ZNF311: variants seen among roughly 807,000 people sequenced by gnomAD.
ZNF311 encodes the protein zinc finger protein 311.
ZNF311 carries 14 observed loss-of-function variants against 22.7 expected under a neutral mutation model. That is an observed-to-expected ratio of 0.62 (90% CI 0.41 to 0.96). ZNF311 has a LOEUF of 0.96. Ranked by LOEUF, ZNF311 falls within the 40% of genes least tolerant of loss-of-function variation. ZNF311 has a pLI of 0.00. For synonymous variants in ZNF311, 250 were observed against 275.3 expected, an observed-to-expected ratio of 0.91 and a Z score of 0.91; for missense variants, 731 against 799.0, an observed-to-expected ratio of 0.91 and a Z score of 1.03.
At chr6:29,002,901 A>G (rs749513722) in intron 3 of ZNF311, among the ~76,000 whole-genome samples, 1 of 152,154 alleles carries the variant, frequency 6.6e-6, no homozygotes, top group African/African-American at 2.4e-5. Context: ...GATTACAGGC[A>G]TAAGTCACCG....
chr6:28,999,820 C>T, intron 4 of ZNF311, 136 bp downstream of exon 4: 1 of 1,248,888 alleles, frequency 8.0e-7, no homozygotes. Context: ...AGTGGTTTAT[C>T]ATGCAACAAA....
rs771052912 is a variant in ZNF311, at chr6:28,996,390, T to G, written c.612A>C (p.Arg204Ser). The G allele has an allele frequency of 6.2e-7, 1 of 1,611,308 alleles. No homozygotes were observed. Among genetic ancestry groups the G allele is most frequent in the Middle Eastern group, 1.6e-4 (1 of 6,062 alleles). ...CTTCCTCAGAGCCTTCTTTCTCTTCTCTCAGTTTCTCCCTTATAGATGTTT... is the reference window on the plus strand; with the variant it reads ...CTTCCTCAGAGCCTTCTTTCTCTTCGCTCAGTTTCTCCCTTATAGATGTTT... ...QWETSIREKL[R>S]EEKEGSEEVT... The change falls in exon 7 of 7, where the codon AGA becomes AGC. Residue 204 changes from arginine (R) to serine (S), a missense_variant. Coordinates refer to ENST00000377179, the MANE Select transcript of ZNF311 (RefSeq NM_001382360.1).
intron 3 of ZNF311, 89 bp from the exon 4 acceptor site, chr6:29,000,136 C>A (rs1780241380): frequency 4.0e-6 from 5 of 1,247,164 alleles, no homozygotes; most frequent in Non-Finnish European, 5.7e-6. Flanking sequence ...AATGTAGAAG[C>A]TTCTGCAGCT....
In ZNF311 at chr6:28,999,989, C is replaced by A. The variant is rs747829459; in HGVS notation, c.150G>T (p.Pro50=). 1 of 1,613,614 alleles carries A rather than the reference C, an allele frequency of 6.2e-7. No individual in the cohort carries two copies. The highest frequency in any genetic ancestry group is 8.5e-7 in the Non-Finnish European group (1 of 1,179,898). Reference sequence around the variant, plus strand: ...GGCTCATTAGTGTGATATCTGCTTGCGGCAGGTTTCCTTGGCTTCCATCTT... The same window carrying A: ...GGCTCATTAGTGTGATATCTGCTTGAGGCAGGTTTCCTTGGCTTCCATCTT... ...FTKDGSQGNL[P]QADITLMSQA... Residue 50 remains proline (P), a synonymous_variant, in exon 4 of 7, where the codon CCG becomes CCT. Transcript: ENST00000377179.
At position 28,995,308 on chromosome 6, in the gene ZNF311, T is replaced by C; in HGVS notation, c.1694A>G (p.His565Arg). The C allele has an allele frequency of 6.2e-7, 1 of 1,613,992 alleles. No homozygotes were observed. Among genetic ancestry groups the C allele is most frequent in the East Asian group, 2.2e-5 (1 of 44,880 alleles). The change falls in exon 7 of 7, where the codon CAT (histidine) becomes CGT (arginine). Residue 565 changes from histidine to arginine, a missense_variant. His to Arg is a conservative substitution (Grantham distance 29). Transcript: ENST00000377179. The surrounding 1 kb of genome is among the most constrained non-coding windows in gnomAD (Gnocchi z 4.7). The part of the protein sequence containing the change: ...HKCEVCGMAF[H>R]HSSVLRQHKR... ...GTGCTGCCTCAGGACTGAACTATGA[T>C]GGAAGGCCATTCCACATACCTCACA...
At chr6:29,001,027 C>G (rs527496601) in intron 3 of ZNF311, among the ~76,000 whole-genome samples, 53 of 152,272 alleles carry the variant, frequency 3.5e-4, no homozygotes, top group Middle Eastern at 3.4e-3. Flanking sequence ...CCACCCGCCT[C>G]GGCCTCCCAA....
Position 28,999,987 on chromosome 6 carries a change from T to TGCG in ZNF311, c.149_151dup (p.Pro50dup). ...CTGGCTCATTAGTGTGATATCTGCT[T>TGCG]GCGGCAGGTTTCCTTGGCTTCCATC... On this transcript the variant is annotated inframe_insertion, in exon 4 of 7. Coordinates refer to ENST00000377179, the MANE Select transcript of ZNF311 (RefSeq NM_001382360.1). 1 of 1,613,738 alleles carries TGCG rather than the reference T, an allele frequency of 6.2e-7. No homozygotes were observed. The highest frequency in any genetic ancestry group is 8.5e-7 in the Non-Finnish European group (1 of 1,179,924).
At chr6:28,997,431 G>T (rs534114839) in intron 6 of ZNF311, among the ~76,000 whole-genome samples, 7 of 152,208 alleles carry the variant, frequency 4.6e-5, no homozygotes, top group Admixed American at 2.0e-4. Context: ...GCTAGCTTGG[G>T]TTAATTTCTA....
At chr6:29,000,890 C>T (rs1405632396) in intron 3 of ZNF311, among the ~76,000 whole-genome samples, 1 of 151,986 alleles carries the variant, frequency 6.6e-6, no homozygotes, top group African/African-American at 2.4e-5. Context: ...CATTCTCCTG[C>T]CTCAGCCTCC....
At position 28,996,197 on chromosome 6, in the gene ZNF311, G is replaced by A; in HGVS notation, c.805C>T (p.His269Tyr). 2 of 1,613,524 alleles carry A rather than the reference G, an allele frequency of 1.2e-6. No homozygotes were observed. Residue 269 changes from histidine (H) to tyrosine (Y), a missense_variant, in exon 7 of 7, where the codon CAT becomes TAT. Coordinates refer to ENST00000377179, the MANE Select transcript of ZNF311 (RefSeq NM_001382360.1). Reference protein sequence around the residue: ...HSDLILHEQIHSGEKPHVCNE... With the variant: ...HSDLILHEQIYSGEKPHVCNE... ...CACACATGGGGTTTCTCACCAGAATGAATTTGCTCATGGAGAATTAGATCT... is the reference window on the plus strand; with the variant it reads ...CACACATGGGGTTTCTCACCAGAATAAATTTGCTCATGGAGAATTAGATCT...
At chr6:29,002,591 C>G (rs1218339652) in intron 3 of ZNF311, among the ~76,000 whole-genome samples, 1 of 151,198 alleles carries the variant, frequency 6.6e-6, no homozygotes, top group Non-Finnish European at 1.5e-5. Context: ...TTGCTATATA[C>G]TATCTCCTAG....
In ZNF311 at chr6:28,994,918, A is replaced by C; in HGVS notation, c.*83T>G. The C allele has an allele frequency of 7.1e-7, 1 of 1,409,008 alleles. No homozygotes were observed. Among genetic ancestry groups the C allele is most frequent in the Middle Eastern group, 2.5e-4 (1 of 3,966 alleles). 87.3% of individuals were successfully genotyped at this position (1,409,008 alleles called of 1,614,324 possible). ...GGGAATCTCACAATTAAGGGTCAGG[A>C]AATCAGGAATAACTAATATAAGAGA... On this transcript the variant is annotated 3_prime_UTR_variant, in exon 7 of 7. Transcript: ENST00000377179.
chr6:28,995,317 A>G lies in ZNF311; in HGVS notation c.1685T>C (p.Met562Thr). The G allele has an allele frequency of 6.2e-7, 1 of 1,613,918 alleles. No individual in the cohort carries two copies. Among genetic ancestry groups the G allele is most frequent in the East Asian group, 2.2e-5 (1 of 44,862 alleles). ...EKPHKCEVCG[M>T]AFHHSSVLRQ... ...CAGGACTGAACTATGATGGAAGGCC[A>G]TTCCACATACCTCACATTTGTGAGG... Residue 562 changes from methionine to threonine, a missense_variant, in exon 7 of 7, where the codon ATG becomes ACG. Physicochemically the swap from Met to Thr is moderately conservative, Grantham distance 81. Transcript: ENST00000377179. The surrounding 1 kb of genome is among the most constrained non-coding windows in gnomAD (Gnocchi z 4.7).
chr6:28,999,822 T>C, intron 4 of ZNF311, 134 bp downstream of exon 4: 3 of 1,248,654 alleles, frequency 2.4e-6, no homozygotes. Flanking sequence ...TGGTTTATCA[T>C]GCAACAAAAT....
At chr6:29,004,390 T>C (rs1780886018) in intron 1 of ZNF311, among the ~76,000 whole-genome samples, 176 bp from the exon 2 acceptor site, 1 of 151,948 alleles carries the variant, frequency 6.6e-6, no homozygotes, top group Non-Finnish European at 1.5e-5. Context: ...TTTCCATTAC[T>C]GCGGTAGTCT....
At position 28,994,806 on chromosome 6, in the gene ZNF311, A is replaced by G. The variant is rs1779232999; in HGVS notation, c.*195T>C. ...CAGCAAGCACTAATAAGTGTTTATT[A>G]ATATTAGGAAGTGATTGATAAACTC... On this transcript the variant is annotated 3_prime_UTR_variant, in exon 7 of 7. Transcript: ENST00000377179. The G allele has an allele frequency of 1.6e-6, 1 of 611,030 alleles. No homozygotes were observed. The highest frequency in any genetic ancestry group is 2.7e-6 in the Non-Finnish European group (1 of 365,930). The allele number at this position is 611,030 out of a possible 1,614,324, so 37.9% of individuals were successfully genotyped here.
At chr6:28,999,257 GTAAA>G (rs940373839) in intron 5 of ZNF311, among the ~76,000 whole-genome samples, 1 of 152,030 alleles carries the variant, frequency 6.6e-6, no homozygotes, top group African/African-American at 2.4e-5. Context: ...AAAACAGAAG[GTAAA>G]TGTCTCCTTT....
chr6:28,995,005 G>A lies in ZNF311; in HGVS notation c.1997C>T (p.Ala666Val). Residue 666 changes from alanine (A) to valine (V), a missense_variant, in exon 7 of 7, where the codon GCC becomes GTC. Physicochemically the swap from Ala to Val is moderately conservative, Grantham distance 64. Transcript: ENST00000377179. This position sits in a 1 kb window ranked among gnomAD's most constrained non-coding sequence, Gnocchi z 4.7. ...QTSVVSILTSA is the reference protein window; with the variant it reads ...QTSVVSILTSV ...GTAACACCAGAATCGTTATACTCAGGCACTGGTCAAAATACTGACTACTGA... is the reference window on the plus strand; with the variant it reads ...GTAACACCAGAATCGTTATACTCAGACACTGGTCAAAATACTGACTACTGA... 1 of 1,601,400 alleles carries A rather than the reference G, an allele frequency of 6.2e-7. No homozygotes were observed. Among genetic ancestry groups the A allele is most frequent in the East Asian group, 2.2e-5 (1 of 44,832 alleles).
chr6:29,003,845 C>A (rs1780793668), intron 2 of ZNF311, 101 bp downstream of exon 2: 1 of 1,610,824 alleles, frequency 6.2e-7, no homozygotes, highest in South Asian at 1.1e-5. Context: ...CCAACAGTAT[C>A]TAGAGTCAGA....
Sources: gnomAD v4.1 joint callset for allele counts (sites outside exome capture counted in the v4.1 genomes callset) on GRCh38, gnomAD v4.1.1 for gene constraint, Gnocchi (gnomAD v3.1) non-coding constraint, MANE v1.5 for transcripts, NCBI Gene and HGNC (gene_info 2026-07-23, HGNC 2026-07-21) for gene names.